The following ARHGAP32 variants were observed in gnomAD, a reference collection of about 807,000 sequenced individuals.
ARHGAP32 encodes the protein rho GTPase-activating protein 32.
A neutral mutation model predicts 186.5 loss-of-function variants in ARHGAP32; 51 were observed. The ratio of observed to expected loss-of-function variants is 0.27; its 90% CI spans 0.22 to 0.35. The LOEUF is 0.35. Among genes scored for constraint, ARHGAP32 ranks in the 10% least tolerant of loss-of-function variants. The pLI is 1.00. For missense variants in ARHGAP32, 2,186 were observed against 2,623.5 expected (o/e 0.83, Z 3.64); for synonymous variants, 950 against 964.3 (o/e 0.99, Z 0.27).
intron 2 of ARHGAP32, among the ~76,000 whole-genome samples, chr11:129,127,184 T>A (rs1393461063): frequency 6.6e-6 from 1 of 152,114 alleles, no homozygotes; most frequent in Admixed American, 6.5e-5. Context: ...ATAATCCGAA[T>A]GAGGGAGGAA....
chr11:129,040,087 A>C (rs143886475), intron 11 of ARHGAP32, among the ~76,000 whole-genome samples: 20 of 152,284 alleles, frequency 1.3e-4, no homozygotes, highest in African/African-American at 4.8e-4. Context: ...CTTTGGGAGC[A>C]GAAGTGGGAA....
intron 1 of ARHGAP32, among the ~76,000 whole-genome samples, chr11:129,181,120 A>G (rs939740601): frequency 1.3e-5 from 2 of 151,972 alleles, no homozygotes; most frequent in African/African-American, 2.4e-5. Flanking sequence ...TCCAAGCAGG[A>G]TATCTTTCTC....
chr11:129,181,291 G>A (rs1944049114), intron 1 of ARHGAP32, among the ~76,000 whole-genome samples: 1 of 152,126 alleles, frequency 6.6e-6, no homozygotes, highest in African/African-American at 2.4e-5. Context: ...ATTAGCAACA[G>A]AGAATTTGGT....
At chr11:129,155,599 G>A (rs1943383975) in intron 2 of ARHGAP32, among the ~76,000 whole-genome samples, 2 of 151,982 alleles carry the variant, frequency 1.3e-5, no homozygotes, top group South Asian at 2.1e-4. Context: ...TGCAACCTAA[G>A]TACATTTCCT....
chr11:129,274,819 A>G (rs1278573995), intron 1 of ARHGAP32, among the ~76,000 whole-genome samples: 3 of 152,112 alleles, frequency 2.0e-5, no homozygotes, highest in Admixed American at 6.6e-5. Context: ...AATGCAAATC[A>G]TAAGGAAGAC....
intron 1 of ARHGAP32, among the ~76,000 whole-genome samples, chr11:129,236,760 C>T (rs1210423416): frequency 6.6e-6 from 1 of 152,184 alleles, no homozygotes; most frequent in Non-Finnish European, 1.5e-5. Context: ...TCTCTGATTG[C>T]TCTGGCTAGG....
At chr11:129,037,817 T>C (rs571212192) in intron 11 of ARHGAP32, among the ~76,000 whole-genome samples, 1 of 151,466 alleles carries the variant, frequency 6.6e-6, no homozygotes, top group African/African-American at 2.4e-5. Context: ...AAAACACATA[T>C]AGAGACTGGG....
At chr11:129,092,121 T>A (rs143877271) in intron 6 of ARHGAP32, among the ~76,000 whole-genome samples, 1 of 152,150 alleles carries the variant, frequency 6.6e-6, no homozygotes, top group Non-Finnish European at 1.5e-5. Flanking sequence ...TCTATCTAGG[T>A]CACTAATACT....
chr11:128,972,467 T>G lies in ARHGAP32; in HGVS notation c.4039A>C (p.Asn1347His), dbSNP rs1315183260. ...CCCCTTCTTACCTTGTGGGAATTAT[T>G]TAATCCTATATTGGTTGCTGCTTGT... ...QVQAATNIGL[N>H]NSHKVQGVVP... The change falls in exon 22 of 23, where the codon AAT becomes CAT. Residue 1347 changes from asparagine (N) to histidine (H), a missense_variant. Coordinates refer to ENST00000682385, the MANE Select transcript of ARHGAP32 (RefSeq NM_001378024.1). 6.6e-7 allele frequency: 1 copy of G among 1,515,000 alleles called. No homozygotes were observed. Among genetic ancestry groups the G allele is most frequent in the Non-Finnish European group, 8.8e-7 (1 of 1,132,150 alleles). The allele number at this position is 1,515,000 out of a possible 1,614,324, so 93.8% of individuals were successfully genotyped here. A position where few individuals can be genotyped will look rare whatever the true frequency, so the allele number is the denominator to read the frequency against.
intron 5 of ARHGAP32, among the ~76,000 whole-genome samples, chr11:129,113,562 GT>G (rs1301623493): frequency 6.6e-6 from 1 of 151,586 alleles, no homozygotes; most frequent in African/African-American, 2.4e-5. Flanking sequence ...CTTTTTCTTA[GT>G]TTTTTTCCAG....
chr11:129,118,165 G>C (rs1226321810), intron 5 of ARHGAP32, among the ~76,000 whole-genome samples: 1 of 151,816 alleles, frequency 6.6e-6, no homozygotes, highest in Non-Finnish European at 1.5e-5. Context: ...AAAAACAAAT[G>C]AATCATTAAC....
chr11:128,998,487 A>G lies in ARHGAP32; in HGVS notation c.1046-19T>C. On this transcript the variant is annotated intron_variant, in intron 11 of 22. Coordinates refer to ENST00000682385, the MANE Select transcript of ARHGAP32 (RefSeq NM_001378024.1). ...TTAGACACTAAAAATCAATAAAGAG[A>G]AAAGATCTTAGTTGTGGCAAGAGGT... The G allele has an allele frequency of 6.6e-7, 1 of 1,520,678 alleles. No homozygotes were observed. The highest frequency in any genetic ancestry group is 8.9e-7 in the Non-Finnish European group (1 of 1,127,256). The allele number at this position is 1,520,678 out of a possible 1,614,324, so 94.2% of individuals were successfully genotyped here.
chr11:129,265,112 T>C (rs906276902), intron 1 of ARHGAP32, among the ~76,000 whole-genome samples: 1 of 152,130 alleles, frequency 6.6e-6, no homozygotes, highest in African/African-American at 2.4e-5. Context: ...GATAAACATC[T>C]TGCTCTACAC....
intron 11 of ARHGAP32, among the ~76,000 whole-genome samples, chr11:129,032,260 C>T (rs1939146102): frequency 6.6e-6 from 1 of 152,222 alleles, no homozygotes; most frequent in Non-Finnish European, 1.5e-5. Context: ...TAGATGCTGC[C>T]ATGGGCCTGC....
chr11:129,159,497 G>A (rs532817448), intron 2 of ARHGAP32, among the ~76,000 whole-genome samples: 1 of 151,358 alleles, frequency 6.6e-6, no homozygotes, highest in South Asian at 2.1e-4. Context: ...CCCAAACTAG[G>A]AAGACACCTT....
At chr11:128,997,314 T>G (rs1262318473) in intron 12 of ARHGAP32, among the ~76,000 whole-genome samples, 1 of 152,214 alleles carries the variant, frequency 6.6e-6, no homozygotes, top group African/African-American at 2.4e-5. Flanking sequence ...GTCTACTCTC[T>G]CAAGAAACAT....
intron 1 of ARHGAP32, among the ~76,000 whole-genome samples, chr11:129,213,428 G>A (rs1944606829): frequency 6.6e-6 from 1 of 152,166 alleles, no homozygotes; most frequent in Non-Finnish European, 1.5e-5. Context: ...GTAATAATAT[G>A]AGATTCCCTG....
At chr11:129,104,648 GA>G (rs149475457) in intron 5 of ARHGAP32, among the ~76,000 whole-genome samples, 18 of 140,566 alleles carry the variant, frequency 1.3e-4, no homozygotes, top group East Asian at 4.1e-4. Context: ...GAACATTTCA[GA>G]AAAAAAAAAG....
At chr11:129,263,686 AAG>A (rs1268803936) in intron 1 of ARHGAP32, among the ~76,000 whole-genome samples, 5 of 131,292 alleles carry the variant, frequency 3.8e-5, no homozygotes, top group South Asian at 2.3e-4. Flanking sequence ...GAAGAAAAGA[AAG>A]AGAAAAAGAA....
Sources: gnomAD v4.1 joint callset for allele counts (sites outside exome capture counted in the v4.1 genomes callset) on GRCh38, gnomAD v4.1.1 for gene constraint, MANE v1.5 for transcripts, NCBI Gene and HGNC (gene_info 2026-07-23, HGNC 2026-07-21) for gene names.